SLC35F3: variants seen among roughly 807,000 people sequenced by gnomAD.
The protein encoded by SLC35F3 is putative thiamine transporter SLC35F3.
Under a neutral mutation model 49.9 loss-of-function variants are expected in SLC35F3, and 25 were observed. The ratio of observed to expected loss-of-function variants is 0.50; its 90% CI spans 0.37 to 0.70. The LOEUF (loss-of-function observed/expected upper bound fraction) is 0.70. SLC35F3 is among the 30% of genes least tolerant of loss of function. The pLI is 0.00. For missense variants in SLC35F3, 525 were observed against 639.8 expected, an observed-to-expected ratio of 0.82 and a Z score of 1.94; for synonymous variants, 275 against 265.4, an observed-to-expected ratio of 1.04 and a Z score of -0.35.
At chr1:234,115,367 G>T (rs959254478) in intron 2 of SLC35F3, among the ~76,000 whole-genome samples, 37 of 152,260 alleles carry the variant, frequency 2.4e-4, no homozygotes, top group Admixed American at 2.2e-3. Flanking sequence ...TTTGTCCTCT[G>T]GTCCTTCCCT....
intron 2 of SLC35F3, among the ~76,000 whole-genome samples, chr1:234,129,101 T>C (rs1665694838): frequency 6.6e-6 from 1 of 152,130 alleles, no homozygotes; most frequent in Non-Finnish European, 1.5e-5. Context: ...ACACCATTAA[T>C]AGAGAAAGAA....
intron 2 of SLC35F3, among the ~76,000 whole-genome samples, chr1:234,180,235 C>T (rs1295856245): frequency 2.6e-5 from 4 of 152,188 alleles, no homozygotes; most frequent in African/African-American, 9.7e-5. Context: ...TGTGGCTAAT[C>T]ATTCACATTA....
chr1:233,907,642 A>G (rs536192684), intron 2 of SLC35F3, among the ~76,000 whole-genome samples: 28 of 152,304 alleles, frequency 1.8e-4, no homozygotes, highest in African/African-American at 6.7e-4. Flanking sequence ...TGAATTAATT[A>G]GGTGTAATGT....
At chr1:234,076,998 GTTTTTTTT>G (rs56254338) in intron 2 of SLC35F3, among the ~76,000 whole-genome samples, 2 of 91,276 alleles carry the variant, frequency 2.2e-5, no homozygotes, top group African/African-American at 9.0e-5. Flanking sequence ...TTTTTTTTTT[GTTTTTTTT>G]TTTTTTTTTG....
chr1:234,180,521 A>G (rs780284609), intron 2 of SLC35F3, among the ~76,000 whole-genome samples: 3 of 152,234 alleles, frequency 2.0e-5, no homozygotes, highest in African/African-American at 4.8e-5. Flanking sequence ...TTTAGAACAC[A>G]CACATGCACA....
At chr1:234,130,077 A>G (rs1211118256) in intron 2 of SLC35F3, among the ~76,000 whole-genome samples, 4 of 152,334 alleles carry the variant, frequency 2.6e-5, no homozygotes, top group Admixed American at 2.6e-4. Context: ...TTAGAAACAC[A>G]AGCCATAAAC....
intron 3 of SLC35F3, among the ~76,000 whole-genome samples, chr1:234,263,313 G>C (rs1176996478): frequency 6.6e-6 from 1 of 152,116 alleles, no homozygotes; most frequent in Non-Finnish European, 1.5e-5. Flanking sequence ...ATTTTAAAGA[G>C]AGCTAAAAGA....
intron 2 of SLC35F3, among the ~76,000 whole-genome samples, chr1:233,946,035 C>A (rs1662508659): frequency 6.6e-6 from 1 of 152,220 alleles, no homozygotes; most frequent in South Asian, 2.1e-4. Flanking sequence ...CTGGTACATA[C>A]AATTTGATTG....
Position 234,146,481 on chromosome 1 carries a change from C to CTTTTTTTTTTTTTTTTTTTTT in SLC35F3, c.284-84932_284-84912dup, listed in dbSNP as rs869146212. Among the ~76,000 whole-genome samples the CTTTTTTTTTTTTTTTTTTTTT allele has an allele frequency of 3.1e-4, 23 of 74,042 alleles. 3 individuals carry two copies. The East Asian group carries it at 3.5e-3, about 11-fold the overall frequency. 48.6% of individuals were successfully genotyped at this position (74,042 alleles called of 152,430 possible). On this transcript the variant is annotated intron_variant, in intron 2 of 7. Transcript: ENST00000366618. ...AATAAAAGTTACCAAGATATTTGCTCTTTTTTTTTTTTTTTTTTTTTTTTC... is the reference window on the plus strand; with the variant it reads ...AATAAAAGTTACCAAGATATTTGCTCTTTTTTTTTTTTTTTTTTTTTTTTTTTTTTTTTTTTTTTTTTTTTC...
rs116818249 is a variant in SLC35F3 at position 234,085,081 on chromosome 1, T to C, written c.284-146336T>C. ...TTCTGTTTATGTGAAATGTCTAAAATAGGCAAATCCATACAGAAAGAAAGG... is the reference window on the plus strand; with the variant it reads ...TTCTGTTTATGTGAAATGTCTAAAACAGGCAAATCCATACAGAAAGAAAGG... On this transcript the variant is annotated intron_variant, in intron 2 of 7. Coordinates refer to ENST00000366618, the MANE Select transcript of SLC35F3 (RefSeq NM_173508.4). 9.3e-3 allele frequency among the ~76,000 whole-genome samples: 1,421 copies of C among 152,292 alleles called. 18 individuals carry two copies. The highest frequency in any genetic ancestry group is 0.03 in the African/African-American group (1,256 of 41,558).
chr1:234,150,538 T>C (rs1666061109), intron 2 of SLC35F3, among the ~76,000 whole-genome samples: 2 of 152,186 alleles, frequency 1.3e-5, no homozygotes, highest in Non-Finnish European at 2.9e-5. Flanking sequence ...TTACTTTTCA[T>C]CCCTTATCTT....
intron 2 of SLC35F3, among the ~76,000 whole-genome samples, chr1:234,184,045 C>CTATGTGTTAGA: frequency 6.6e-6 from 1 of 151,674 alleles, no homozygotes; most frequent in East Asian, 1.9e-4. Flanking sequence ...ACTTTGTAGG[C>CTATGTGTTAGA]TATGTGTTAG....
intron 3 of SLC35F3, among the ~76,000 whole-genome samples, chr1:234,268,118 G>C (rs1172317442): frequency 2.0e-5 from 3 of 152,032 alleles, no homozygotes; most frequent in Admixed American, 6.5e-5. Context: ...GGGAGGTGGA[G>C]GTTGTAGCGA....
At chr1:234,128,271 A>G (rs1245435603) in intron 2 of SLC35F3, among the ~76,000 whole-genome samples, 4 of 152,146 alleles carry the variant, frequency 2.6e-5, no homozygotes, top group Admixed American at 6.5e-5. Flanking sequence ...TGTTTGATGC[A>G]TGTGTACAGC....
chr1:233,911,515 A>G (rs1183485148), intron 2 of SLC35F3, among the ~76,000 whole-genome samples: 2 of 152,182 alleles, frequency 1.3e-5, no homozygotes, highest in Non-Finnish European at 2.9e-5. Flanking sequence ...TTTAGTAAAT[A>G]GTTTCTGAGT....
chr1:234,013,549 A>G (rs1341286139), intron 2 of SLC35F3, among the ~76,000 whole-genome samples: 1 of 151,994 alleles, frequency 6.6e-6, no homozygotes, highest in Admixed American at 6.5e-5. Context: ...CAATGAAACT[A>G]CAGAGCTGTT....
chr1:234,231,882 T>A lies in SLC35F3; in HGVS notation c.608+141T>A, dbSNP rs1335335690. On this transcript the variant is annotated intron_variant, in intron 3 of 7. Transcript: ENST00000366618. This position sits in a 1 kb window ranked among gnomAD's most constrained non-coding sequence, Gnocchi z 5.4. The stretch of plus-strand genomic sequence containing the variant: ...GAGATGTTGCAGTGAATGCACCTGC[T>A]CTCAGTGGGGTCGGGAGCAGAATTC... 1 of 794,990 alleles carries A rather than the reference T, an allele frequency of 1.3e-6. No homozygotes were observed. The highest frequency in any genetic ancestry group is 2.0e-6 in the Non-Finnish European group (1 of 493,718). The allele number at this position is 794,990 out of a possible 1,614,324, so 49.2% of individuals were successfully genotyped here. A position where few individuals can be genotyped will look rare whatever the true frequency, so the allele number is the denominator to read the frequency against.
chr1:234,267,278 C>A (rs2102971588), intron 3 of SLC35F3, among the ~76,000 whole-genome samples: 1 of 128,120 alleles, frequency 7.8e-6, no homozygotes, highest in South Asian at 2.7e-4. Flanking sequence ...ATGTCTACTT[C>A]TATCCACACA....
At chr1:234,005,702 G>A (rs1242728323) in intron 2 of SLC35F3, among the ~76,000 whole-genome samples, 1 of 152,162 alleles carries the variant, frequency 6.6e-6, no homozygotes, top group Non-Finnish European at 1.5e-5. Flanking sequence ...TTAGGGGCAG[G>A]AAGAGGCGCC....
Sources: gnomAD v4.1 joint callset for allele counts (sites outside exome capture counted in the v4.1 genomes callset) on GRCh38, gnomAD v4.1.1 for gene constraint, Gnocchi (gnomAD v3.1) non-coding constraint, MANE v1.5 for transcripts, NCBI Gene and HGNC (gene_info 2026-07-23, HGNC 2026-07-21) for gene names.